DOCK7: variants seen among roughly 807,000 people sequenced by gnomAD.
DOCK7 encodes dedicator of cytokinesis protein 7.
In DOCK7, 138 loss-of-function variants were observed where a neutral mutation model predicts 271.0. That is an observed-to-expected ratio of 0.51 (90% CI 0.44 to 0.59). The LOEUF is 0.59. Among genes scored for constraint, DOCK7 ranks in the 20% least tolerant of loss-of-function variants. DOCK7 has a pLI of 0.00. For missense variants in DOCK7, 2,066 were observed against 2,592.4 expected (o/e 0.80, Z 4.41); for synonymous variants, 823 against 876.1 (o/e 0.94, Z 1.07).
intron 49 of DOCK7, among the ~76,000 whole-genome samples, chr1:62,456,677 CTTTCCATGGAAAGGAG>C (rs1213787596): frequency 1.3e-5 from 2 of 152,050 alleles, no homozygotes; most frequent in African/African-American, 2.4e-5. Flanking sequence ...AGAATACAGC[CTTTCCATGGAAAGGAG>C]TTTCCATGGA....
intron 21 of DOCK7, among the ~76,000 whole-genome samples, chr1:62,553,364 T>A (rs1456031676): frequency 2.6e-3 from 18 of 6,944 alleles, no homozygotes; most frequent in South Asian, 0.015. Context: ...ATTTTTTTTT[T>A]TTTTTTTTTT....
intron 36 of DOCK7, among the ~76,000 whole-genome samples, chr1:62,505,292 AT>A (rs1646907335): frequency 6.6e-6 from 1 of 152,228 alleles, no homozygotes; most frequent in African/African-American, 2.4e-5. Flanking sequence ...TCCATTCATC[AT>A]AAAATAATTT....
chr1:62,666,546 C>A (rs1197085336), intron 1 of DOCK7, among the ~76,000 whole-genome samples: 1 of 152,150 alleles, frequency 6.6e-6, no homozygotes, highest in African/African-American at 2.4e-5. Flanking sequence ...ACAACTGGGA[C>A]CTTCTGCAAA....
At chr1:62,552,467 A>G (rs960154133) in intron 22 of DOCK7, among the ~76,000 whole-genome samples, 2 of 152,194 alleles carry the variant, frequency 1.3e-5, no homozygotes, top group Non-Finnish European at 2.9e-5. Context: ...TTTTCACATG[A>G]TGGAGTATCA....
intron 18 of DOCK7, among the ~76,000 whole-genome samples, chr1:62,563,542 C>T (rs1025134933): frequency 6.6e-6 from 1 of 151,796 alleles, no homozygotes; most frequent in African/African-American, 2.4e-5. Context: ...AACAAAAAAA[C>T]AGAAAAATAC....
chr1:62,549,118 G>A (rs1645808099), intron 22 of DOCK7, among the ~76,000 whole-genome samples: 1 of 152,024 alleles, frequency 6.6e-6, no homozygotes, highest in Admixed American at 6.6e-5. Flanking sequence ...ATCAGAAAAG[G>A]AAGAATCCAC....
At chr1:62,508,090 ATC>A (rs1162162959) in intron 34 of DOCK7, 32 bp from the exon 35 acceptor site, 1 of 1,546,222 alleles carries the variant, frequency 6.5e-7, no homozygotes, top group Non-Finnish European at 8.7e-7. Flanking sequence ...AATTATATTT[ATC>A]TTTTTGAAAA....
At chr1:62,628,571 G>GT (rs1654229626) in intron 11 of DOCK7, 1 of 152,178 alleles carries the variant, frequency 6.6e-6, no homozygotes, top group African/African-American at 2.4e-5. Context: ...AAACCTAAAT[G>GT]TAACAGCTGA....
intron 48 of DOCK7, among the ~76,000 whole-genome samples, chr1:62,465,566 T>G (rs1163656972): frequency 1.3e-5 from 2 of 152,190 alleles, no homozygotes; most frequent in African/African-American, 4.8e-5. Context: ...TTGTTTGTTT[T>G]TTTGAGATGG....
rs1404265860 is a variant in DOCK7 at position 62,475,323 on chromosome 1, A to G, written c.5990T>C (p.Ile1997Thr). The G allele has an allele frequency of 6.2e-7, 1 of 1,613,922 alleles. No individual in the cohort carries two copies. Among genetic ancestry groups the G allele is most frequent in the Admixed American group, 1.7e-5 (1 of 59,988 alleles). Residue 1997 changes from isoleucine (I) to threonine (T), a missense_variant, in exon 47 of 50, where the codon ATT becomes ACT. Transcript: ENST00000635253. ...CTGTGTCTTTTTCTGCATGTCCTCAATAGCAACTTCAATTGGTGTTAAGAT... is the reference window on the plus strand; with the variant it reads ...CTGTGTCTTTTTCTGCATGTCCTCAGTAGCAACTTCAATTGGTGTTAAGAT... ...EIILTPIEVAIEDMQKKTQEL... is the reference protein window; with the variant it reads ...EIILTPIEVATEDMQKKTQEL...
intron 14 of DOCK7, among the ~76,000 whole-genome samples, chr1:62,617,298 G>A (rs571546288): frequency 4.7e-4 from 72 of 152,072 alleles, no homozygotes; most frequent in African/African-American, 1.6e-3. Context: ...AACTCATGCA[G>A]TGTCTTATAG....
At chr1:62,669,898 C>T (rs538340401) in intron 1 of DOCK7, among the ~76,000 whole-genome samples, 4 of 152,250 alleles carry the variant, frequency 2.6e-5, no homozygotes, top group Admixed American at 6.5e-5. Context: ...GGGAGAGACA[C>T]GAGCGGGAAC....
chr1:62,656,681 C>T (rs182294231), intron 2 of DOCK7, among the ~76,000 whole-genome samples: 1 of 152,074 alleles, frequency 6.6e-6, no homozygotes, highest in East Asian at 1.9e-4. Flanking sequence ...GACATCAGAA[C>T]CCAGGGAATG....
intron 14 of DOCK7, chr1:62,608,221 GAA>G (rs1651283483): frequency 6.6e-6 from 1 of 152,160 alleles, no homozygotes. Flanking sequence ...ACTCCAATTA[GAA>G]GAGTATAGGC....
intron 37 of DOCK7, among the ~76,000 whole-genome samples, chr1:62,502,580 T>C (rs1269768635): frequency 6.6e-6 from 1 of 152,188 alleles, no homozygotes; most frequent in Non-Finnish European, 1.5e-5. Context: ...TTCACTCCCT[T>C]GGTGGTAATT....
intron 30 of DOCK7, among the ~76,000 whole-genome samples, chr1:62,528,726 G>A (rs1218505555): frequency 1.3e-5 from 2 of 152,104 alleles, no homozygotes; most frequent in Admixed American, 1.3e-4. Context: ...GCTAATTGCT[G>A]GTTTAAATTC....
At chr1:62,674,550 A>G (rs1660346308) in intron 1 of DOCK7, among the ~76,000 whole-genome samples, 1 of 152,254 alleles carries the variant, frequency 6.6e-6, no homozygotes, top group African/African-American at 2.4e-5. Context: ...TACAAATTTC[A>G]AATTTTACTT....
intron 1 of DOCK7, among the ~76,000 whole-genome samples, chr1:62,686,157 CTTT>C (rs1161312915): frequency 2.4e-4 from 1 of 4,204 alleles, no homozygotes; most frequent in African/African-American, 2.5e-4. Flanking sequence ...CAAGTAATAA[CTTT>C]TTTTTTTTTT....
chr1:62,629,824 C>T (rs1363742963), intron 11 of DOCK7, among the ~76,000 whole-genome samples: 2 of 152,212 alleles, frequency 1.3e-5, no homozygotes, highest in Admixed American at 6.5e-5. Flanking sequence ...GTCCCTACAG[C>T]ATATTTCTGG....
Sources: allele counts gnomAD v4.1 joint callset (sites outside exome capture counted in the v4.1 genomes callset), GRCh38; gene constraint gnomAD v4.1.1; transcripts MANE v1.5; gene names NCBI Gene and HGNC (gene_info 2026-07-23, HGNC 2026-07-21).